Variants in ABCB1 observed in about 807,000 individuals in gnomAD.
The protein encoded by ABCB1 is ATP binding cassette subfamily B member 1.
In ABCB1, 69 loss-of-function variants were observed where a neutral mutation model predicts 142.0. The ratio of observed to expected loss-of-function variants is 0.49; its 90% confidence interval spans 0.40 to 0.59. The LOEUF is 0.59. Ranked by LOEUF, ABCB1 falls within the 20% of genes least tolerant of loss-of-function variation. The probability of loss-of-function intolerance (pLI) is 0.00; values close to 1 mark genes in which losing one functional copy is unlikely to be tolerated. For missense variants in ABCB1, 1,326 were observed against 1,554.7 expected (o/e 0.85, Z 2.47); for synonymous variants, 532 against 539.2 (o/e 0.99, Z 0.18).
At chr7:87,670,575 G>A (rs1326454261) in intron 1 of ABCB1, among the ~76,000 whole-genome samples, 1 of 152,198 alleles carries the variant, frequency 6.6e-6, no homozygotes. Context: ...TGGAGCTCTT[G>A]CATTGGTTCT....
chr7:87,697,029 C>A (rs568916171), intron 1 of ABCB1, among the ~76,000 whole-genome samples: 4 of 152,026 alleles, frequency 2.6e-5, no homozygotes, highest in Admixed American at 2.0e-4. Context: ...TTTGAAACAT[C>A]CTACAAGTTA....
chr7:87,683,848 A>C (rs915857440), intron 1 of ABCB1, among the ~76,000 whole-genome samples: 4 of 152,254 alleles, frequency 2.6e-5, no homozygotes, highest in Admixed American at 6.5e-5. Context: ...CGTGTAAAAA[A>C]TACAATATCT....
chr7:87,595,700 C>G (rs1819172720), intron 3 of ABCB1, 66 bp downstream of exon 3: 22 of 1,273,566 alleles, frequency 1.7e-5, no homozygotes, highest in Non-Finnish European at 2.5e-5. Flanking sequence ...TGAAATATCT[C>G]TTTTCCATGT....
intron 1 of ABCB1, among the ~76,000 whole-genome samples, chr7:87,631,886 C>A (rs1483270341): frequency 6.6e-6 from 1 of 152,002 alleles, no homozygotes; most frequent in Non-Finnish European, 1.5e-5. Context: ...CATTGTTAAC[C>A]TTCAATTATA....
chr7:87,617,894 G>A (rs1184548690), intron 1 of ABCB1, among the ~76,000 whole-genome samples: 1 of 152,116 alleles, frequency 6.6e-6, no homozygotes, highest in Non-Finnish European at 1.5e-5. Context: ...CTGGCCTTCT[G>A]TCTAGCCATA....
At chr7:87,557,487 C>G (rs1210367197) in intron 8 of ABCB1, among the ~76,000 whole-genome samples, 3 of 152,176 alleles carry the variant, frequency 2.0e-5, no homozygotes, top group African/African-American at 7.2e-5. Flanking sequence ...AGTTTCAGTT[C>G]TCTGAAGGAG....
At chr7:87,549,637 T>C in intron 13 of ABCB1, 119 bp from the exon 14 acceptor site, 1 of 1,499,546 alleles carries the variant, frequency 6.7e-7, no homozygotes, top group South Asian at 1.2e-5. Context: ...GTCCAGTTCT[T>C]TAAATCTTAT....
chr7:87,659,137 G>A, intron 1 of ABCB1: 1 of 369,134 alleles, frequency 2.7e-6, no homozygotes. Context: ...AATCTAGCCT[G>A]GGCAATAGAA....
chr7:87,694,447 T>C lies in ABCB1; in HGVS notation c.-331+18714A>G, dbSNP rs529137396. Among the ~76,000 whole-genome samples the C allele has an allele frequency of 7.2e-5, 11 of 152,346 alleles. No individual in the cohort carries two copies. In the Middle Eastern group the frequency reaches 0.01, roughly 141 times the overall value. ...GCAAAACACTGCTGGACCTTTGTACTTAATGATCTAGCTTTCTGTATTTTT... is the reference window on the plus strand; with the variant it reads ...GCAAAACACTGCTGGACCTTTGTACCTAATGATCTAGCTTTCTGTATTTTT... On this transcript the variant is annotated intron_variant, in intron 1 of 28. Transcript: ENST00000265724.
At position 87,504,002 on chromosome 7, in the gene ABCB1, A is replaced by T. The variant is rs1381061717; in HGVS notation, c.*241T>A. The T allele has an allele frequency of 7.1e-6, 4 of 566,854 alleles. No homozygotes were observed. The highest frequency in any genetic ancestry group is 1.2e-5 in the Non-Finnish European group (4 of 323,636). 35.1% of individuals were successfully genotyped at this position (566,854 alleles called of 1,614,324 possible). A position where few individuals can be genotyped will look rare whatever the true frequency, so the allele number is the denominator to read the frequency against. Reference sequence around the variant, plus strand: ...AACAAAATTACACATTTTATCTTTTAAAATCTACTTTAATTCTGTTATAAA... The same window carrying T: ...AACAAAATTACACATTTTATCTTTTTAAATCTACTTTAATTCTGTTATAAA... On this transcript the variant is annotated 3_prime_UTR_variant, in exon 28 of 28. Coordinates refer to ENST00000622132, the MANE Select transcript of ABCB1 (RefSeq NM_001348946.2).
At chr7:87,521,886 T>C (rs1815525727) in intron 21 of ABCB1, 1 of 773,430 alleles carries the variant, frequency 1.3e-6, no homozygotes, top group Non-Finnish European at 2.3e-6. Context: ...ACCAAGGCAG[T>C]GATAAGAAAA....
chr7:87,533,299 G>C (rs1816143438), intron 20 of ABCB1, among the ~76,000 whole-genome samples: 2 of 152,082 alleles, frequency 1.3e-5, no homozygotes, highest in African/African-American at 4.8e-5. Flanking sequence ...ACTGACTTAT[G>C]GGCTTGTGAG....
rs1451395789 is a variant in ABCB1, at chr7:87,503,521, C to A, written c.*722G>T. On this transcript the variant is annotated 3_prime_UTR_variant, in exon 28 of 28. Transcript: ENST00000622132. ...ATCCTTAAAGAACCCTTTATAAAAG[C>A]AATGCAAAGTATTTACTATACATCT... 2 of 152,116 alleles carry A rather than the reference C, an allele frequency of 1.3e-5. No individual in the cohort carries two copies. Among genetic ancestry groups the A allele is most frequent in the African/African-American group, 4.8e-5 (2 of 41,410 alleles). The allele number at this position is 152,116 out of a possible 1,614,324, so 9.4% of individuals were successfully genotyped here.
At chr7:87,652,434 CA>C (rs1823667278) in intron 1 of ABCB1, among the ~76,000 whole-genome samples, 1 of 151,888 alleles carries the variant, frequency 6.6e-6, no homozygotes, top group Non-Finnish European at 1.5e-5. Context: ...TCTAAACAAT[CA>C]AATCCATTAA....
At chr7:87,670,047 A>G (rs1319473388) in intron 1 of ABCB1, among the ~76,000 whole-genome samples, 1 of 152,076 alleles carries the variant, frequency 6.6e-6, no homozygotes, top group Admixed American at 6.6e-5. Flanking sequence ...TTCATGGACA[A>G]TTTCCTGAAA....
intron 2 of ABCB1, 114 bp from the exon 3 acceptor site, chr7:87,595,928 T>C: frequency 1.3e-6 from 1 of 777,360 alleles, no homozygotes; most frequent in Non-Finnish European, 2.1e-6. Flanking sequence ...AATATGTCTA[T>C]ATTATACAGT....
intron 1 of ABCB1, among the ~76,000 whole-genome samples, chr7:87,668,821 T>C (rs1342993315): frequency 2.0e-5 from 3 of 152,202 alleles, no homozygotes; most frequent in African/African-American, 7.2e-5. Flanking sequence ...TCTATTTTTA[T>C]TGCTCTGTGA....
intron 1 of ABCB1, among the ~76,000 whole-genome samples, chr7:87,626,021 T>TAGAG (rs1308496709): frequency 2.4e-4 from 31 of 126,550 alleles, no homozygotes; most frequent in African/African-American, 8.8e-4. Context: ...TATATATATA[T>TAGAG]ATAGAGAGAG....
chr7:87,515,720 A>T (rs1815212124), intron 24 of ABCB1, among the ~76,000 whole-genome samples: 1 of 151,772 alleles, frequency 6.6e-6, no homozygotes. Flanking sequence ...CCTCCCAAGT[A>T]GCTGGGATTA....
Sources: gnomAD v4.1 joint callset for allele counts (sites outside exome capture counted in the v4.1 genomes callset) on GRCh38, gnomAD v4.1.1 for gene constraint, MANE v1.5 for transcripts, NCBI Gene and HGNC (gene_info 2026-07-23, HGNC 2026-07-21) for gene names.